The following NEXMIF variants were observed in gnomAD, a reference collection of about 807,000 sequenced individuals.
The protein encoded by NEXMIF is neurite extension and migration factor.
In NEXMIF, 8 loss-of-function variants were observed where a neutral mutation model predicts 62.1. The observed-to-expected ratio is 0.13, with a 90% confidence interval of 0.08 to 0.23. NEXMIF has a LOEUF of 0.23. Among genes scored for constraint, NEXMIF ranks in the 10% least tolerant of loss-of-function variants. The probability of loss-of-function intolerance (pLI) is 1.00; values close to 1 mark genes in which losing one functional copy is unlikely to be tolerated. For missense variants in NEXMIF, 976 were observed against 1,113.3 expected (o/e 0.88, Z 1.75); for synonymous variants, 404 against 416.6 (o/e 0.97, Z 0.37).
intron 1 of NEXMIF, among the ~76,000 whole-genome samples, chrX:74,799,620 A>G (rs1393204315): frequency 9.0e-6 from 1 of 111,299 alleles, no homozygotes; most frequent in East Asian, 2.8e-4. Flanking sequence ...TGAACTCTCA[A>G]AACAAGTAAC....
chrX:74,820,556 T>A (rs1302996525), intron 1 of NEXMIF, among the ~76,000 whole-genome samples: 2 of 111,249 alleles, frequency 1.8e-5, no homozygotes, highest in African/African-American at 6.5e-5. Flanking sequence ...CATGCATGAG[T>A]ATGTTCATGA....
intron 1 of NEXMIF, among the ~76,000 whole-genome samples, chrX:74,767,972 G>A (rs1290224733): frequency 1.8e-5 from 2 of 111,054 alleles, no homozygotes; most frequent in African/African-American, 3.3e-5. Context: ...ATGTATGGGA[G>A]GGGGGGTCTA....
At chrX:74,784,022 T>G (rs888175248) in intron 1 of NEXMIF, among the ~76,000 whole-genome samples, 2 of 111,725 alleles carry the variant, frequency 1.8e-5, no homozygotes, top group South Asian at 7.5e-4. Flanking sequence ...AGAGGGCAAA[T>G]TTTTATAAAA....
At chrX:74,829,272 G>A (rs1476725827) in intron 1 of NEXMIF, among the ~76,000 whole-genome samples, 2 of 112,020 alleles carry the variant, frequency 1.8e-5, no homozygotes, top group Non-Finnish European at 3.8e-5. Context: ...TTGATTATTA[G>A]ATCCCACAAA....
At position 74,837,894 on chromosome X, in the gene NEXMIF, CTTAT is replaced by C. The variant is rs766478981; in HGVS notation, c.-48+86985_-48+86988del. 3.6e-5 allele frequency among the ~76,000 whole-genome samples: 4 copies of C among 111,920 alleles called. No individual in the cohort carries two copies. The South Asian group carries it at 1.5e-3, about 42-fold the overall frequency. On this transcript the variant is annotated intron_variant, in intron 1 of 3. Coordinates refer to ENST00000055682, the MANE Select transcript of NEXMIF (RefSeq NM_001008537.3). ...GCTTATGAGAAAGGCGCAGTGATTTCTTATTTAAACGGCATAGCAGTTTCCTGTC... is the reference window on the plus strand; with the variant it reads ...GCTTATGAGAAAGGCGCAGTGATTTCTTAAACGGCATAGCAGTTTCCTGTC...
intron 2 of NEXMIF, among the ~76,000 whole-genome samples, chrX:74,744,925 T>TC (rs1324263679): frequency 0.047 from 878 of 18,719 alleles, 18 homozygotes; most frequent in African/African-American, 0.067. Flanking sequence ...CTCTCTTCTC[T>TC]CTCTCCTCTC....
intron 1 of NEXMIF, among the ~76,000 whole-genome samples, chrX:74,883,550 T>C (rs1251546844): frequency 1.8e-5 from 2 of 111,733 alleles, no homozygotes; most frequent in Non-Finnish European, 3.8e-5. Context: ...GTATCAGCGA[T>C]GGAAGACGAA....
At chrX:74,848,859 C>A (rs1292831629) in intron 1 of NEXMIF, among the ~76,000 whole-genome samples, 1 of 111,770 alleles carries the variant, frequency 8.9e-6, no homozygotes, top group Non-Finnish European at 1.9e-5. Flanking sequence ...CCAGAGAGTT[C>A]TCTCATTTCT....
chrX:74,891,949 T>C (rs760736607), intron 1 of NEXMIF, among the ~76,000 whole-genome samples: 5 of 112,280 alleles, frequency 4.5e-5, no homozygotes, highest in Non-Finnish European at 9.4e-5. Context: ...TGGGGGATGT[T>C]CTCAAGCCGG....
intron 1 of NEXMIF, among the ~76,000 whole-genome samples, chrX:74,910,174 G>A (rs1049752184): frequency 8.9e-6 from 1 of 112,241 alleles, no homozygotes; most frequent in African/African-American, 3.2e-5. Flanking sequence ...CTTGCACCAT[G>A]TGCCAGGAAA....
rs2080100813 is a variant in NEXMIF at position 74,740,956 on chromosome X, G to A, written c.3601C>T (p.Leu1201Phe). The A allele has an allele frequency of 8.3e-7, 1 of 1,210,103 alleles. No homozygotes were observed. The highest frequency in any genetic ancestry group is 1.7e-5 in the African/African-American group (1 of 57,159). The change falls in exon 3 of 4, where the codon CTC (leucine) becomes TTC (phenylalanine). Residue 1201 changes from leucine (L) to phenylalanine (F), a missense_variant. Physicochemically the swap from Leu to Phe is conservative, Grantham distance 22. Coordinates refer to ENST00000055682, the MANE Select transcript of NEXMIF (RefSeq NM_001008537.3). Reference sequence around the variant, plus strand: ...TCAATCCCCTTGTTGTTACCTTTGAGGGATTTTTTCCTGGTGTTTTTCTGA... The same window carrying A: ...TCAATCCCCTTGTTGTTACCTTTGAAGGATTTTTTCCTGGTGTTTTTCTGA... ...SSQKNTRKKS[L>F]KGNNKGIEKP...
intron 1 of NEXMIF, among the ~76,000 whole-genome samples, chrX:74,824,200 A>G (rs1233008512): frequency 3.6e-5 from 4 of 111,557 alleles, no homozygotes; most frequent in Non-Finnish European, 5.6e-5. Context: ...TATAATCACC[A>G]TGATGTGCAA....
chrX:74,865,866 A>G (rs749428473), intron 1 of NEXMIF, among the ~76,000 whole-genome samples: 48 of 111,793 alleles, frequency 4.3e-4, no homozygotes, highest in African/African-American at 1.5e-3. Flanking sequence ...CTCTGCCTAG[A>G]TTTCAGTGGT....
At chrX:74,864,642 T>G (rs1003796475) in intron 1 of NEXMIF, among the ~76,000 whole-genome samples, 1 of 112,290 alleles carries the variant, frequency 8.9e-6, no homozygotes, top group Non-Finnish European at 1.9e-5. Context: ...TGTGAGGCCT[T>G]CCCAGCCATG....
intron 1 of NEXMIF, among the ~76,000 whole-genome samples, chrX:74,871,962 A>T (rs2080603000): frequency 9.0e-6 from 1 of 111,666 alleles, no homozygotes. Context: ...GCTTACAAAG[A>T]TAATGTGATT....
At chrX:74,800,384 T>A (rs1012719839) in intron 1 of NEXMIF, among the ~76,000 whole-genome samples, 6 of 111,778 alleles carry the variant, frequency 5.4e-5, no homozygotes, top group African/African-American at 1.9e-4. Flanking sequence ...CTTTTTTTTT[T>A]ATAAAAAGCT....
At chrX:74,917,927 T>C (rs2080813493) in intron 1 of NEXMIF, among the ~76,000 whole-genome samples, 1 of 111,578 alleles carries the variant, frequency 9.0e-6, no homozygotes, top group Admixed American at 9.6e-5. Flanking sequence ...GTCTTGACGT[T>C]TTTGGTGAGA....
At chrX:74,863,171 C>CA (rs59749275) in intron 1 of NEXMIF, among the ~76,000 whole-genome samples, 993 of 89,087 alleles carry the variant, frequency 0.011, 2 homozygotes, top group African/African-American at 0.014. Flanking sequence ...GACTACATCT[C>CA]AAAAAAAAAA....
At chrX:74,911,580 T>A (rs2080790106) in intron 1 of NEXMIF, among the ~76,000 whole-genome samples, 1 of 112,348 alleles carries the variant, frequency 8.9e-6, no homozygotes, top group Non-Finnish European at 1.9e-5. Flanking sequence ...TCTAGGGTTT[T>A]AAAACCAACA....
Sources: gnomAD v4.1 joint callset for allele counts (sites outside exome capture counted in the v4.1 genomes callset) on GRCh38, gnomAD v4.1.1 for gene constraint, MANE v1.5 for transcripts, NCBI Gene and HGNC (gene_info 2026-07-23, HGNC 2026-07-21) for gene names.